CDH13: variants seen among roughly 807,000 people sequenced by gnomAD.
The protein encoded by CDH13 is cadherin 13.
In CDH13, 24 loss-of-function variants were observed where a neutral mutation model predicts 63.8. The observed-to-expected ratio is 0.38, with a 90% confidence interval of 0.27 to 0.53. The LOEUF (loss-of-function observed/expected upper bound fraction) is 0.53, where lower values mean the gene tolerates loss of function less well. CDH13 is among the 20% of genes least tolerant of loss of function. The pLI is 0.85. For missense variants in CDH13, 1,049 were observed against 903.1 expected, an observed-to-expected ratio of 1.16 and a Z score of -2.07; for synonymous variants, 503 against 355.3, an observed-to-expected ratio of 1.42 and a Z score of -4.67.
At chr16:83,193,917 G>T (rs748163876) in intron 4 of CDH13, among the ~76,000 whole-genome samples, 2 of 152,290 alleles carry the variant, frequency 1.3e-5, no homozygotes, top group Non-Finnish European at 2.9e-5. Flanking sequence ...TAAGTTGCCT[G>T]TCCCAAAGCA....
intron 6 of CDH13, among the ~76,000 whole-genome samples, chr16:83,436,545 G>T (rs562697074): frequency 7.2e-5 from 11 of 152,216 alleles, no homozygotes; most frequent in African/African-American, 2.6e-4. Flanking sequence ...ACACCTTAAT[G>T]CTTTCTTCAA....
At chr16:83,093,930 G>A (rs543879018) in intron 3 of CDH13, among the ~76,000 whole-genome samples, 4 of 152,312 alleles carry the variant, frequency 2.6e-5, no homozygotes, top group Non-Finnish European at 4.4e-5. Context: ...ACCTGAAAAG[G>A]TTAAGCAAGC....
intron 7 of CDH13, among the ~76,000 whole-genome samples, chr16:83,560,109 C>T (rs1240935678): frequency 2.0e-5 from 3 of 152,108 alleles, no homozygotes; most frequent in Non-Finnish European, 4.4e-5. Context: ...GTGATGAATA[C>T]GTATTGAGTA....
chr16:82,995,279 G>A (rs921567388), intron 2 of CDH13, among the ~76,000 whole-genome samples: 5 of 152,142 alleles, frequency 3.3e-5, no homozygotes, highest in Non-Finnish European at 7.4e-5. Flanking sequence ...TGCTGGGCTC[G>A]TGGTCACTCA....
chr16:82,744,740 T>C (rs1264397089), intron 1 of CDH13, among the ~76,000 whole-genome samples: 1 of 152,164 alleles, frequency 6.6e-6, no homozygotes, highest in Non-Finnish European at 1.5e-5. Flanking sequence ...CATGATCGCA[T>C]TTAAGCTCCA....
chr16:83,671,557 A>G (rs893271610), intron 9 of CDH13, among the ~76,000 whole-genome samples: 1 of 152,202 alleles, frequency 6.6e-6, no homozygotes, highest in Non-Finnish European at 1.5e-5. Context: ...CCCAAACTTA[A>G]GTTTTAAATG....
chr16:83,145,042 C>A lies in CDH13; in HGVS notation c.483+19541C>A, dbSNP rs539009057. ...GACGCCGTGGCTATGTTGCCACTTG[C>A]CCTTGCAGACACAAGTACGGGGACA... On this transcript the variant is annotated intron_variant, in intron 4 of 13. Transcript: ENST00000567109. Among the ~76,000 whole-genome samples the A allele has an allele frequency of 2.0e-5, 3 of 148,198 alleles. No individual in the cohort carries two copies. The South Asian group carries it at 6.5e-4, about 32-fold the overall frequency.
intron 3 of CDH13, among the ~76,000 whole-genome samples, chr16:83,034,781 A>T (rs544214835): frequency 7.4e-4 from 113 of 152,244 alleles, no homozygotes; most frequent in African/African-American, 2.6e-3. Context: ...GGCCTGGGAG[A>T]GCTGGGTTCA....
intron 6 of CDH13, among the ~76,000 whole-genome samples, chr16:83,472,945 T>C (rs2073496405): frequency 1.3e-5 from 2 of 152,274 alleles, no homozygotes; most frequent in East Asian, 3.9e-4. Context: ...ATCTGTCAGT[T>C]CTGACATCCA....
At chr16:83,645,042 A>G (rs1024253942) in intron 8 of CDH13, among the ~76,000 whole-genome samples, 4 of 151,868 alleles carry the variant, frequency 2.6e-5, no homozygotes, top group South Asian at 2.1e-4. Flanking sequence ...GCTCACATCC[A>G]CTCCCAAATC....
intron 6 of CDH13, among the ~76,000 whole-genome samples, chr16:83,421,275 C>G (rs1409916356): frequency 6.6e-6 from 1 of 152,032 alleles, no homozygotes; most frequent in African/African-American, 2.4e-5. Flanking sequence ...ATTGTTTAAG[C>G]TATATTAAGC....
intron 2 of CDH13, among the ~76,000 whole-genome samples, chr16:83,023,964 C>A (rs192060578): frequency 6.6e-6 from 1 of 152,170 alleles, no homozygotes; most frequent in East Asian, 1.9e-4. Flanking sequence ...AAAGCTATGG[C>A]AACAGGAGCA....
rs367897641 is a variant in CDH13, at chr16:83,053,577, TTAGA to T, written c.366+21364_366+21367del. ...AAGCAATAGATATATGTTTCTTAAATTAGATAGACCTTGAATGGAAGGGTACAGA... is the reference window on the plus strand; with the variant it reads ...AAGCAATAGATATATGTTTCTTAAATTAGACCTTGAATGGAAGGGTACAGA... On this transcript the variant is annotated intron_variant, in intron 3 of 13. Coordinates refer to ENST00000567109, the MANE Select transcript of CDH13 (RefSeq NM_001257.5). 4.9e-3 allele frequency among the ~76,000 whole-genome samples: 742 copies of T among 152,202 alleles called. 4 individuals are homozygous for T. The highest frequency in any genetic ancestry group is 7.9e-3 in the Admixed American group (121 of 15,282).
At chr16:82,753,057 A>T (rs1487137954) in intron 1 of CDH13, among the ~76,000 whole-genome samples, 1 of 152,228 alleles carries the variant, frequency 6.6e-6, no homozygotes, top group African/African-American at 2.4e-5. Flanking sequence ...GTCTAATAAC[A>T]TCAATGTTTA....
At chr16:82,862,618 C>G (rs1005663291) in intron 2 of CDH13, among the ~76,000 whole-genome samples, 3 of 152,158 alleles carry the variant, frequency 2.0e-5, no homozygotes. Flanking sequence ...CACCCACATG[C>G]AAACATAGAC....
At chr16:83,776,164 G>A (rs1261562591) in intron 11 of CDH13, among the ~76,000 whole-genome samples, 1 of 152,132 alleles carries the variant, frequency 6.6e-6, no homozygotes, top group Non-Finnish European at 1.5e-5. Context: ...GGAAATTGAA[G>A]ACAGTAGTAT....
intron 5 of CDH13, among the ~76,000 whole-genome samples, chr16:83,244,940 G>A (rs144438985): frequency 1.2e-3 from 180 of 152,164 alleles, no homozygotes; most frequent in African/African-American, 3.7e-3. Context: ...ACGGTGTTCA[G>A]CATAAGCCAT....
At chr16:83,476,453 A>C (rs1296958943) in intron 6 of CDH13, among the ~76,000 whole-genome samples, 8 of 152,198 alleles carry the variant, frequency 5.3e-5, no homozygotes, top group Admixed American at 5.2e-4. Context: ...TGGGCAGATC[A>C]CTCGAGGTCG....
chr16:83,595,273 T>C (rs559830054), intron 7 of CDH13, among the ~76,000 whole-genome samples: 41 of 152,348 alleles, frequency 2.7e-4, no homozygotes, highest in South Asian at 2.1e-4. Context: ...GCCACTGATA[T>C]GCTCAGACCT....
Sources: gnomAD v4.1 joint callset for allele counts (sites outside exome capture counted in the v4.1 genomes callset) on GRCh38, gnomAD v4.1.1 for gene constraint, MANE v1.5 for transcripts, NCBI Gene and HGNC (gene_info 2026-07-23, HGNC 2026-07-21) for gene names.